The following KALRN variants were observed in gnomAD, a reference collection of about 807,000 sequenced individuals.
KALRN encodes the protein kalirin.
Under a neutral mutation model 353.7 loss-of-function variants are expected in KALRN, and 70 were observed. The observed-to-expected ratio is 0.20, with a 90% CI of 0.16 to 0.24. The LOEUF (loss-of-function observed/expected upper bound fraction) is 0.24. KALRN is among the 10% of genes least tolerant of loss of function. KALRN has a pLI of 1.00. For missense variants in KALRN, 2,791 were observed against 3,756.7 expected (o/e 0.74, Z 6.72); for synonymous variants, 1,391 against 1,434.8 (o/e 0.97, Z 0.69).
At chr3:124,611,841 G>A (rs2078010994) in intron 34 of KALRN, among the ~76,000 whole-genome samples, 1 of 152,136 alleles carries the variant, frequency 6.6e-6, no homozygotes, top group African/African-American at 2.4e-5. Context: ...TCCCAAACTC[G>A]TTTCTGCCTT....
intron 1 of KALRN, among the ~76,000 whole-genome samples, chr3:124,127,618 G>T (rs1344455301): frequency 6.6e-6 from 1 of 152,176 alleles, no homozygotes; most frequent in Non-Finnish European, 1.5e-5. Flanking sequence ...GGCAGAAATT[G>T]CCTCTAGATG....
chr3:124,110,463 ACGCG>A (rs374765325), intron 1 of KALRN, among the ~76,000 whole-genome samples: 3 of 56,022 alleles, frequency 5.4e-5, no homozygotes, highest in African/African-American at 8.2e-5. Context: ...ATATATACAC[ACGCG>A]CGCACACACA....
chr3:124,310,729 G>A (rs1311996498), intron 6 of KALRN, among the ~76,000 whole-genome samples: 2 of 152,060 alleles, frequency 1.3e-5, no homozygotes, highest in Non-Finnish European at 2.9e-5. Flanking sequence ...AATGATGTTG[G>A]ACCCTTACCT....
At chr3:124,070,224 C>T (rs2059948944) in intron 1 of KALRN, among the ~76,000 whole-genome samples, 1 of 152,106 alleles carries the variant, frequency 6.6e-6, no homozygotes, top group South Asian at 2.1e-4. Flanking sequence ...GGAGTGAAGG[C>T]AGAGACTGTG....
intron 1 of KALRN, among the ~76,000 whole-genome samples, chr3:124,116,699 C>T (rs1291906272): frequency 5.3e-5 from 8 of 152,016 alleles, no homozygotes; most frequent in Non-Finnish European, 1.2e-4. Flanking sequence ...ATGTTCATAC[C>T]TACAATAAAC....
In KALRN at chr3:124,632,677, A is replaced by G; in HGVS notation, c.5440A>G (p.Thr1814Ala). The G allele has an allele frequency of 1.9e-6, 3 of 1,614,010 alleles. No homozygotes were observed. The highest frequency in any genetic ancestry group is 2.5e-6 in the Non-Finnish European group (3 of 1,179,974). ...ATCTCCCAAGCCTGGGGATGAAACAACCCCTCAGGGAGACAGCGCTGATGA... is the reference window on the plus strand; with the variant it reads ...ATCTCCCAAGCCTGGGGATGAAACAGCCCCTCAGGGAGACAGCGCTGATGA... The part of the protein sequence containing the change: ...LGSPKPGDET[T>A]PQGDSADESK... The change falls in exon 35 of 60, where the codon ACC becomes GCC. Residue 1814 changes from threonine (T) to alanine (A), a missense_variant. Physicochemically the swap from Thr to Ala is moderately conservative, Grantham distance 58. Coordinates refer to ENST00000682506, the MANE Select transcript of KALRN (RefSeq NM_001388419.1).
chr3:124,214,935 G>T (rs1199943090), intron 1 of KALRN, among the ~76,000 whole-genome samples: 1 of 152,144 alleles, frequency 6.6e-6, no homozygotes, highest in Admixed American at 6.5e-5. Context: ...TAGATGTGGT[G>T]GCTTCTTCAT....
chr3:124,403,808 T>G (rs755163214), intron 13 of KALRN, among the ~76,000 whole-genome samples: 9 of 152,164 alleles, frequency 5.9e-5, no homozygotes, highest in Non-Finnish European at 1.3e-4. Context: ...TGTTGGACAT[T>G]GAGGACATAA....
intron 5 of KALRN, among the ~76,000 whole-genome samples, chr3:124,282,077 G>T (rs1226161861): frequency 6.6e-6 from 1 of 152,132 alleles, no homozygotes; most frequent in Non-Finnish European, 1.5e-5. Context: ...CAGATGAGGT[G>T]GTAGTGAAAG....
At chr3:124,231,631 C>T (rs564554761) in intron 2 of KALRN, among the ~76,000 whole-genome samples, 2 of 152,282 alleles carry the variant, frequency 1.3e-5, no homozygotes, top group East Asian at 3.9e-4. Context: ...CATTCTAGCT[C>T]TCCTTCTTGG....
intron 34 of KALRN, 126 bp from the exon 35 acceptor site, chr3:124,632,294 G>A: frequency 1.2e-6 from 1 of 831,518 alleles, no homozygotes; most frequent in Non-Finnish European, 1.9e-6. Context: ...TCTGGACTGG[G>A]GTCTACAGCT....
At chr3:124,368,045 AC>A (rs1307702543) in intron 10 of KALRN, among the ~76,000 whole-genome samples, 1 of 28,690 alleles carries the variant, frequency 3.5e-5, no homozygotes, top group Non-Finnish European at 6.0e-5. Flanking sequence ...CGGAGGGCTG[AC>A]CCCCCCACCT....
Position 124,227,694 on chromosome 3 carries a change from T to G in KALRN, c.74-296T>G, listed in dbSNP as rs1436091023. On this transcript the variant is annotated intron_variant, in intron 1 of 59. Transcript: ENST00000682506. ...TTTTTTTTTTTTTTTTTTTTTTTTT[T>G]TTTTTTTTTTTGCCCCCACTGCATG... Among the ~76,000 whole-genome samples, 186 of 58,932 alleles carry G rather than the reference T, an allele frequency of 3.2e-3. 11 individuals carry two copies. Among genetic ancestry groups the G allele is most frequent in the Admixed American group, 0.029 (180 of 6,194 alleles). The allele number at this position is 58,932 out of a possible 152,430, so 38.7% of individuals were successfully genotyped here.
intron 59 of KALRN, 33 bp downstream of exon 59, chr3:124,717,418 G>A: frequency 6.5e-7 from 1 of 1,528,592 alleles, no homozygotes; most frequent in Non-Finnish European, 8.8e-7. Flanking sequence ...TGGGCGCAGT[G>A]GCTCACGCCT....
intron 25 of KALRN, among the ~76,000 whole-genome samples, chr3:124,468,377 G>T (rs1326009101): frequency 6.6e-6 from 1 of 152,006 alleles, no homozygotes; most frequent in African/African-American, 2.4e-5. Context: ...ACGGCAGAGC[G>T]CTAGCTCCAC....
intron 1 of KALRN, among the ~76,000 whole-genome samples, chr3:124,112,729 T>A (rs968455112): frequency 2.6e-5 from 4 of 152,068 alleles, no homozygotes; most frequent in Admixed American, 2.6e-4. Flanking sequence ...GGTTGCTAGC[T>A]CTTGAAAGTC....
intron 1 of KALRN, among the ~76,000 whole-genome samples, chr3:124,097,945 G>T (rs2061565819): frequency 6.6e-6 from 1 of 152,188 alleles, no homozygotes; most frequent in Admixed American, 6.5e-5. Context: ...GGAGATGGTT[G>T]CTATGGTGGG....
At chr3:124,618,707 G>T (rs868620271) in intron 34 of KALRN, among the ~76,000 whole-genome samples, 2 of 152,158 alleles carry the variant, frequency 1.3e-5, no homozygotes, top group Admixed American at 6.5e-5. Flanking sequence ...CCTGATTTAT[G>T]GGGAAATTGG....
At chr3:124,121,241 C>G (rs987749425) in intron 1 of KALRN, among the ~76,000 whole-genome samples, 1 of 151,920 alleles carries the variant, frequency 6.6e-6, no homozygotes. Flanking sequence ...TATTAGTAGA[C>G]TAGAGAATGT....
Sources: allele counts gnomAD v4.1 joint callset (sites outside exome capture counted in the v4.1 genomes callset), GRCh38; gene constraint gnomAD v4.1.1; transcripts MANE v1.5; gene names NCBI Gene and HGNC (gene_info 2026-07-23, HGNC 2026-07-21).